Variants in EPHA6 observed in about 807,000 individuals in gnomAD.
EPHA6 encodes EPH receptor A6, also known as ephrin type-A receptor 6.
A neutral mutation model predicts 112.0 loss-of-function variants in EPHA6; 50 were observed. That is an observed-to-expected ratio of 0.45 (90% confidence interval 0.36 to 0.56). The LOEUF (loss-of-function observed/expected upper bound fraction) is 0.56. Ranked by LOEUF, EPHA6 falls within the 20% of genes least tolerant of loss-of-function variation. The pLI is 0.00. For missense variants in EPHA6, 1,280 were observed against 1,417.4 expected (o/e 0.90, Z 1.56); for synonymous variants, 529 against 490.7 (o/e 1.08, Z -1.03).
intron 5 of EPHA6, among the ~76,000 whole-genome samples, chr3:97,363,411 T>C (rs1377664090): frequency 1.3e-5 from 2 of 151,026 alleles, no homozygotes; most frequent in Non-Finnish European, 3.0e-5. Flanking sequence ...ATCTCACAAA[T>C]TCCCCCTGGT....
At chr3:97,539,344 C>T (rs564431907) in intron 11 of EPHA6, among the ~76,000 whole-genome samples, 20 of 151,894 alleles carry the variant, frequency 1.3e-4, no homozygotes, top group Admixed American at 9.2e-4. Flanking sequence ...GATGGGGTTT[C>T]GCCGTGTTGG....
At chr3:97,141,735 A>G (rs915439909) in intron 3 of EPHA6, among the ~76,000 whole-genome samples, 12 of 151,930 alleles carry the variant, frequency 7.9e-5, no homozygotes, top group African/African-American at 2.7e-4. Flanking sequence ...AATACAGAGA[A>G]CTGAAATTAA....
At chr3:97,545,922 A>C (rs1392600438) in intron 11 of EPHA6, among the ~76,000 whole-genome samples, 8 of 152,020 alleles carry the variant, frequency 5.3e-5, no homozygotes, top group Admixed American at 5.2e-4. Flanking sequence ...TGCTTGGTAG[A>C]TCTTCCTCCA....
chr3:96,870,259 A>T (rs997709870), intron 2 of EPHA6, among the ~76,000 whole-genome samples: 2 of 152,006 alleles, frequency 1.3e-5, no homozygotes, highest in African/African-American at 4.8e-5. Context: ...TTGGTGGTGT[A>T]ATTTAGTCCT....
intron 3 of EPHA6, among the ~76,000 whole-genome samples, chr3:97,100,981 A>T (rs1391981192): frequency 1.3e-5 from 2 of 152,032 alleles, no homozygotes; most frequent in Non-Finnish European, 2.9e-5. Context: ...AATAAAGTCT[A>T]TAATTATTTG....
At chr3:97,664,214 C>G (rs2094190206) in intron 14 of EPHA6, among the ~76,000 whole-genome samples, 1 of 152,084 alleles carries the variant, frequency 6.6e-6, no homozygotes, top group African/African-American at 2.4e-5. Flanking sequence ...TGTTTGAGTT[C>G]TTTGTAGATT....
At chr3:97,678,068 G>A (rs536356863) in intron 14 of EPHA6, among the ~76,000 whole-genome samples, 2 of 152,282 alleles carry the variant, frequency 1.3e-5, no homozygotes, top group Admixed American at 1.3e-4. Flanking sequence ...GGGAGGGACT[G>A]TAGTCAGAAA....
chr3:96,904,930 G>A (rs1157910086), intron 2 of EPHA6, among the ~76,000 whole-genome samples: 1 of 152,104 alleles, frequency 6.6e-6, no homozygotes, highest in Non-Finnish European at 1.5e-5. Flanking sequence ...GGACCTTGAA[G>A]CTAGCACCCT....
At chr3:97,121,338 G>A (rs893325255) in intron 3 of EPHA6, among the ~76,000 whole-genome samples, 15 of 151,964 alleles carry the variant, frequency 9.9e-5, no homozygotes, top group Non-Finnish European at 1.9e-4. Flanking sequence ...CTAAAATGAC[G>A]CTAGAAATAT....
At chr3:97,643,956 A>T (rs1211042631) in intron 14 of EPHA6, among the ~76,000 whole-genome samples, 222 of 150,582 alleles carry the variant, frequency 1.5e-3, no homozygotes, top group African/African-American at 5.3e-3. Context: ...CATCTACAGA[A>T]CTCTCCACCC....
chr3:97,389,903 T>C (rs953433744), intron 5 of EPHA6, among the ~76,000 whole-genome samples: 2 of 152,092 alleles, frequency 1.3e-5, no homozygotes, highest in Non-Finnish European at 2.9e-5. Flanking sequence ...TGTGAGAACA[T>C]GAAGTTGAAA....
intron 16 of EPHA6, among the ~76,000 whole-genome samples, chr3:97,740,858 T>A (rs1393951556): frequency 2.6e-5 from 4 of 152,162 alleles, no homozygotes; most frequent in Admixed American, 2.0e-4. Context: ...AAATTGTTTA[T>A]CTCTATACAC....
intron 3 of EPHA6, among the ~76,000 whole-genome samples, chr3:97,068,616 T>TCACACA (rs147267729): frequency 1.4e-5 from 2 of 148,130 alleles, no homozygotes; most frequent in African/African-American, 2.5e-5. Flanking sequence ...ATGTACACAC[T>TCACACA]CACACACACA....
chr3:97,226,146 A>T, intron 3 of EPHA6, 118 bp from the exon 4 acceptor site: 1 of 710,662 alleles, frequency 1.4e-6, no homozygotes. Flanking sequence ...TTCTCTATGT[A>T]TGTGTAACAC....
intron 14 of EPHA6, among the ~76,000 whole-genome samples, chr3:97,671,689 G>A (rs1191719968): frequency 6.6e-6 from 1 of 151,982 alleles, no homozygotes; most frequent in Non-Finnish European, 1.5e-5. Context: ...AAAAACCTGT[G>A]GCCTTGGATA....
intron 16 of EPHA6, among the ~76,000 whole-genome samples, chr3:97,742,846 C>A (rs2035565858): frequency 6.6e-6 from 1 of 151,990 alleles, no homozygotes. Flanking sequence ...TATGTAAATT[C>A]TTCTTCCAAG....
intron 3 of EPHA6, among the ~76,000 whole-genome samples, chr3:96,994,732 T>TATATATATATAGAGAG (rs1170197805): frequency 3.6e-5 from 3 of 82,202 alleles, no homozygotes; most frequent in Admixed American, 1.5e-4. Flanking sequence ...TATATATATA[T>TATATATATATAGAGAG]AGAGAGAGAG....
intron 6 of EPHA6, among the ~76,000 whole-genome samples, chr3:97,418,455 A>C (rs1384588875): frequency 6.6e-6 from 1 of 152,166 alleles, no homozygotes; most frequent in Non-Finnish European, 1.5e-5. Flanking sequence ...CATTTTAAAA[A>C]TTAGGCATAT....
At chr3:96,879,423 GAGT>G (rs1326510469) in intron 2 of EPHA6, among the ~76,000 whole-genome samples, 1 of 152,074 alleles carries the variant, frequency 6.6e-6, no homozygotes, top group African/African-American at 2.4e-5. Flanking sequence ...TAGAATTAGT[GAGT>G]AGAATAGCAG....
Sources: gnomAD v4.1 joint callset for allele counts (sites outside exome capture counted in the v4.1 genomes callset) on GRCh38, gnomAD v4.1.1 for gene constraint, MANE v1.5 for transcripts, NCBI Gene and HGNC (gene_info 2026-07-23, HGNC 2026-07-21) for gene names.